SCAF8: variants seen among roughly 807,000 people sequenced by gnomAD.
SCAF8 encodes SR-related CTD associated factor 8.
A neutral mutation model predicts 140.5 loss-of-function variants in SCAF8; 23 were observed. That is an observed-to-expected ratio of 0.16 (90% CI 0.12 to 0.23). The LOEUF (loss-of-function observed/expected upper bound fraction) is 0.23. Among genes scored for constraint, SCAF8 ranks in the 10% least tolerant of loss-of-function variants. The probability of loss-of-function intolerance (pLI) is 1.00; values close to 1 mark genes in which losing one functional copy is unlikely to be tolerated. For synonymous variants in SCAF8, 575 were observed against 528.9 expected (o/e 1.09, Z -1.20); for missense variants, 1,397 against 1,555.7 (o/e 0.90, Z 1.72).
intron 1 of SCAF8, among the ~76,000 whole-genome samples, chr6:154,737,799 T>A (rs1227791335): frequency 2.0e-5 from 3 of 152,106 alleles, no homozygotes; most frequent in Non-Finnish European, 4.4e-5. Flanking sequence ...CCCTGGCTGG[T>A]CATGAACTCC....
At chr6:154,743,286 A>G (rs916393305) in intron 1 of SCAF8, among the ~76,000 whole-genome samples, 3 of 152,222 alleles carry the variant, frequency 2.0e-5, no homozygotes, top group South Asian at 4.1e-4. Context: ...ACATTGTTTT[A>G]TACAAAATTG....
chr6:154,832,710 A>G lies in SCAF8; in HGVS notation c.3131A>G (p.Asp1044Gly). The change falls in exon 20 of 20, where the codon GAT becomes GGT. Residue 1044 changes from aspartate (D) to glycine (G), a missense_variant. Transcript: ENST00000367178. ...AGAGATGTGGTTGGGCGGCCTATAG[A>G]TCCAAGAGAAGGTCCTGGACGGCCT... is the stretch of plus-strand genomic sequence containing the variant. ...DVRDVVGRPI[D>G]PREGPGRPPL... 1.2e-6 allele frequency: 2 copies of G among 1,613,994 alleles called. No homozygotes were observed. Among genetic ancestry groups the G allele is most frequent in the Non-Finnish European group, 1.7e-6 (2 of 1,179,974 alleles).
chr6:154,771,493 A>T (rs1776765661), intron 1 of SCAF8, among the ~76,000 whole-genome samples: 1 of 152,210 alleles, frequency 6.6e-6, no homozygotes, highest in Non-Finnish European at 1.5e-5. Flanking sequence ...ACAGGGCCTT[A>T]AATATACAGG....
In SCAF8 at chr6:154,832,721, G is replaced by T; in HGVS notation, c.3142G>T (p.Gly1048Cys). The T allele has an allele frequency of 4.3e-6, 7 of 1,613,952 alleles. No homozygotes were observed. The highest frequency in any genetic ancestry group is 5.9e-6 in the Non-Finnish European group (7 of 1,179,964). Residue 1048 changes from glycine (G) to cysteine (C), a missense_variant, in exon 20 of 20, where the codon GGT (glycine) becomes TGT (cysteine). Gly to Cys is a radical substitution (Grantham distance 159). Coordinates refer to ENST00000367178, the MANE Select transcript of SCAF8 (RefSeq NM_014892.5). ...TGGGCGGCCTATAGATCCAAGAGAA[G>T]GTCCTGGACGGCCTCCACTAGATGG... ...VVGRPIDPRE[G>C]PGRPPLDGRD...
chr6:154,788,103 T>C (rs1777306820), intron 4 of SCAF8, 81 bp downstream of exon 4: 5 of 1,191,424 alleles, frequency 4.2e-6, no homozygotes, highest in South Asian at 1.5e-5. Flanking sequence ...TCAGATTATC[T>C]TAGTACAGTC....
At chr6:154,818,649 A>G in intron 14 of SCAF8, 57 bp downstream of exon 14, 1 of 801,402 alleles carries the variant, frequency 1.2e-6, no homozygotes, top group Admixed American at 2.4e-5. Flanking sequence ...AATGTCTGTT[A>G]TGTTAAAGTC....
At chr6:154,734,065 G>GGGGGAGGGGTGTTTCTCCTCTGAGGA (rs1778341225) in intron 1 of SCAF8, 135 bp downstream of exon 1, 1 of 1,311,424 alleles carries the variant, frequency 7.6e-7, no homozygotes, top group African/African-American at 1.5e-5. Context: ...CAGTGCCCGT[G>GGGGGAGGGGTGTTTCTCCTCTGAGGA]GGGGAGGGGT....
intron 1 of SCAF8, among the ~76,000 whole-genome samples, chr6:154,767,312 A>G (rs956822093): frequency 9.9e-5 from 15 of 151,868 alleles, no homozygotes; most frequent in Admixed American, 2.0e-4. Flanking sequence ...GAGTTAGTCT[A>G]TACCCTCCTG....
intron 12 of SCAF8, among the ~76,000 whole-genome samples, chr6:154,810,805 A>G (rs1346094149): frequency 6.6e-6 from 1 of 152,098 alleles, no homozygotes; most frequent in Non-Finnish European, 1.5e-5. Context: ...AATTTTGCCT[A>G]GGGTATTCTT....
At position 154,830,966 on chromosome 6, in the gene SCAF8, G is replaced by C; in HGVS notation, c.2185G>C (p.Asp729His). The C allele has an allele frequency of 6.2e-7, 1 of 1,614,114 alleles. No individual in the cohort carries two copies. Among genetic ancestry groups the C allele is most frequent in the Non-Finnish European group, 8.5e-7 (1 of 1,179,976 alleles). The change falls in exon 19 of 20, where the codon GAT (aspartate) becomes CAT (histidine). Residue 729 changes from aspartate (D) to histidine (H), a missense_variant. Coordinates refer to ENST00000367178, the MANE Select transcript of SCAF8 (RefSeq NM_014892.5). ...SLSMTPETVK[D>H]VGFGSLVIPG... The stretch of plus-strand genomic sequence containing the variant: ...ATCCATGACACCGGAAACTGTGAAA[G>C]ATGTTGGATTTGGTAGCCTTGTTAT...
chr6:154,753,051 G>A (rs1398909854), intron 1 of SCAF8, among the ~76,000 whole-genome samples: 5 of 151,878 alleles, frequency 3.3e-5, no homozygotes, highest in African/African-American at 1.2e-4. Context: ...AAAGTGGGCC[G>A]GGCATGGTGG....
chr6:154,738,288 T>C (rs947729437), intron 1 of SCAF8, among the ~76,000 whole-genome samples: 1 of 152,154 alleles, frequency 6.6e-6, no homozygotes, highest in Non-Finnish European at 1.5e-5. Context: ...CCAGACTTCA[T>C]GCAAGATATG....
chr6:154,798,473 C>A (rs1229548817), intron 6 of SCAF8, among the ~76,000 whole-genome samples: 2 of 151,364 alleles, frequency 1.3e-5, no homozygotes, highest in African/African-American at 4.8e-5. Flanking sequence ...TCCATTTGCT[C>A]ATACCCAAAA....
chr6:154,775,083 G>A (rs1042585208), intron 2 of SCAF8, among the ~76,000 whole-genome samples: 2 of 152,154 alleles, frequency 1.3e-5, no homozygotes, highest in Non-Finnish European at 2.9e-5. Context: ...TAACAGCAGT[G>A]TATTAAATTT....
intron 9 of SCAF8, among the ~76,000 whole-genome samples, chr6:154,805,978 A>G (rs1340263738): frequency 1.3e-5 from 2 of 152,148 alleles, no homozygotes; most frequent in African/African-American, 4.8e-5. Context: ...GTAGGCTTGT[A>G]TACATTTAAC....
intron 1 of SCAF8, among the ~76,000 whole-genome samples, chr6:154,768,559 T>C (rs1776647119): frequency 6.6e-6 from 1 of 152,232 alleles, no homozygotes; most frequent in Non-Finnish European, 1.5e-5. Context: ...ACTTCATCTT[T>C]AACATTGTTT....
intron 1 of SCAF8, among the ~76,000 whole-genome samples, chr6:154,738,382 A>C (rs1397805790): frequency 6.6e-6 from 1 of 152,174 alleles, no homozygotes; most frequent in Non-Finnish European, 1.5e-5. Flanking sequence ...AAAAATTACT[A>C]TGTCAGAAGA....
At chr6:154,748,137 TCTTAGTCATTATGATTTCA>T (rs372570117) in intron 1 of SCAF8, among the ~76,000 whole-genome samples, 48 of 152,336 alleles carry the variant, frequency 3.2e-4, no homozygotes, top group African/African-American at 1.1e-3. Flanking sequence ...TGAAAGTGAT[TCTTAGTCATTATGATTTCA>T]ATGTGTTACT....
At chr6:154,759,361 G>A (rs1229030658) in intron 1 of SCAF8, among the ~76,000 whole-genome samples, 1 of 152,116 alleles carries the variant, frequency 6.6e-6, no homozygotes, top group Non-Finnish European at 1.5e-5. Context: ...GGGGAGAGTT[G>A]ATTACAATTT....
Sources: gnomAD v4.1 joint callset for allele counts (sites outside exome capture counted in the v4.1 genomes callset) on GRCh38, gnomAD v4.1.1 for gene constraint, MANE v1.5 for transcripts, NCBI Gene and HGNC (gene_info 2026-07-23, HGNC 2026-07-21) for gene names.